MON2: variants seen among roughly 807,000 people sequenced by gnomAD.
MON2 encodes MON2 regulator of endosome-to-Golgi trafficking.
MON2 carries 84 observed loss-of-function variants against 208.6 expected under a neutral mutation model. The ratio of observed to expected loss-of-function variants is 0.40; its 90% CI spans 0.34 to 0.48. The LOEUF is 0.48. Among genes scored for constraint, MON2 ranks in the 20% least tolerant of loss-of-function variants. The pLI is 0.59. For missense variants in MON2, 1,611 were observed against 2,015.4 expected, an observed-to-expected ratio of 0.80 and a Z score of 3.84; for synonymous variants, 660 against 694.0, an observed-to-expected ratio of 0.95 and a Z score of 0.77.
chr12:62,568,246 A>G (rs955759325), intron 29 of MON2, among the ~76,000 whole-genome samples: 4 of 152,250 alleles, frequency 2.6e-5, no homozygotes, highest in African/African-American at 9.6e-5. Context: ...GTCTGAAAAC[A>G]TAACTGTTGG....
chr12:62,515,322 G>A (rs1245644925), intron 8 of MON2, among the ~76,000 whole-genome samples: 2 of 152,136 alleles, frequency 1.3e-5, no homozygotes, highest in Non-Finnish European at 2.9e-5. Context: ...AGGAAATCCT[G>A]TTACTGGAAC....
intron 8 of MON2, among the ~76,000 whole-genome samples, chr12:62,517,851 A>C (rs1167096273): frequency 6.6e-6 from 1 of 152,146 alleles, no homozygotes; most frequent in Non-Finnish European, 1.5e-5. Flanking sequence ...TTATCTAATA[A>C]CCTTTTCAGA....
chr12:62,518,517 T>C (rs1222065244), intron 8 of MON2, among the ~76,000 whole-genome samples: 2 of 152,210 alleles, frequency 1.3e-5, no homozygotes, highest in African/African-American at 4.8e-5. Flanking sequence ...TTCGCTGTTT[T>C]CTTAGTTCTC....
Position 62,566,327 on chromosome 12 carries a change from A to G in MON2, c.4200A>G (p.Glu1400=). 1 of 1,607,550 alleles carries G rather than the reference A, an allele frequency of 6.2e-7. No homozygotes were observed. The highest frequency in any genetic ancestry group is 8.5e-7 in the Non-Finnish European group (1 of 1,178,182). The change falls in exon 29 of 35, where the codon GAA becomes GAG. Residue 1400 remains glutamate (E), a synonymous_variant. Transcript: ENST00000393630. ...GTGAAAATATTACTTTCTAGGCGGAATGGGTAGCCTTGAATTATGTGCCGT... is the reference window on the plus strand; with the variant it reads ...GTGAAAATATTACTTTCTAGGCGGAGTGGGTAGCCTTGAATTATGTGCCGT... The part of the protein sequence containing the change: ...YNQIQLFAPA[E]WVALNYVPFA...
At position 62,595,897 on chromosome 12, in the gene MON2, C is replaced by G. The variant is rs2075518328; in HGVS notation, c.*3148C>G. On this transcript the variant is annotated 3_prime_UTR_variant, in exon 35 of 35. Coordinates refer to ENST00000393630, the MANE Select transcript of MON2 (RefSeq NM_015026.3). ...TTTTTCCATTATATGGTTATCGATT[C>G]AACTCTTGCTATATTCCTTAAATTT... The G allele has an allele frequency of 6.6e-6, 1 of 152,142 alleles. No individual in the cohort carries two copies. The highest frequency in any genetic ancestry group is 1.5e-5 in the Non-Finnish European group (1 of 68,022). 9.4% of individuals were successfully genotyped at this position (152,142 alleles called of 1,614,324 possible).
intron 32 of MON2, among the ~76,000 whole-genome samples, chr12:62,583,007 A>C (rs758782911): frequency 6.6e-6 from 1 of 152,208 alleles, no homozygotes; most frequent in Non-Finnish European, 1.5e-5. Flanking sequence ...TAAAAGAACA[A>C]TTTAAAAAAT....
chr12:62,467,380 T>A, intron 1 of MON2, 62 bp downstream of exon 1: 1 of 1,336,358 alleles, frequency 7.5e-7, no homozygotes, highest in Non-Finnish European at 1.1e-6. Flanking sequence ...TTAGACTCAG[T>A]GCTTCACCCC....
rs775360713 is a variant in MON2 at position 62,561,075 on chromosome 12, C to T, written c.3994C>T (p.Gln1332Ter). 6.2e-7 allele frequency: 1 copy of T among 1,612,796 alleles called. No individual in the cohort carries two copies. Among genetic ancestry groups the T allele is most frequent in the Non-Finnish European group, 8.5e-7 (1 of 1,179,340 alleles). ...SYTEAVLTSLQEAVLTALDVL... is the reference protein window; with the variant it reads ...SYTEAVLTSL ...TACCGAAGCAGTTTTGACAAGTTTA[C>T]AGGAAGCTGTACTTACAGCTTTAGA... Residue 1332 changes from glutamine to a stop codon, truncating the protein, a stop_gained, in exon 26 of 35, where the codon CAG becomes TAG. Transcript: ENST00000393630. LOFTEE classifies it high-confidence loss of function.
intron 28 of MON2, 124 bp downstream of exon 28, chr12:62,566,155 T>C: frequency 7.4e-7 from 1 of 1,355,910 alleles, no homozygotes; most frequent in Non-Finnish European, 1.0e-6. Context: ...TGGCTGAAAA[T>C]TATTTTTTTC....
At chr12:62,511,963 A>G (rs2071428196) in intron 8 of MON2, among the ~76,000 whole-genome samples, 1 of 151,138 alleles carries the variant, frequency 6.6e-6, no homozygotes, top group South Asian at 2.1e-4. Flanking sequence ...ACATGGCGGC[A>G]GACAAGAGAA....
At chr12:62,563,816 C>T (rs2074278803) in intron 26 of MON2, among the ~76,000 whole-genome samples, 1 of 152,052 alleles carries the variant, frequency 6.6e-6, no homozygotes. Context: ...TTAGTTTTCT[C>T]AGGTACCCAC....
chr12:62,550,909 C>CTTTTTTTTTT (rs869160726), intron 23 of MON2, among the ~76,000 whole-genome samples: 39 of 43,818 alleles, frequency 8.9e-4, no homozygotes, highest in African/African-American at 1.5e-3. Context: ...TTCTTTCTTT[C>CTTTTTTTTTT]TTTTTTTTTT....
chr12:62,476,263 A>G (rs1297295334), intron 1 of MON2, among the ~76,000 whole-genome samples: 1 of 152,098 alleles, frequency 6.6e-6, no homozygotes, highest in African/African-American at 2.4e-5. Flanking sequence ...TTTTGTGAGC[A>G]TTTTGTCACC....
At chr12:62,572,101 T>C (rs997257779) in intron 30 of MON2, among the ~76,000 whole-genome samples, 1 of 152,234 alleles carries the variant, frequency 6.6e-6, no homozygotes, top group African/African-American at 2.4e-5. Flanking sequence ...GAACACAGAC[T>C]ACATTTTTTG....
chr12:62,532,150 C>G (rs2072683462), intron 11 of MON2, among the ~76,000 whole-genome samples: 1 of 152,066 alleles, frequency 6.6e-6, no homozygotes, highest in Admixed American at 6.6e-5. Context: ...CTTAATTTTT[C>G]TAATATCTAA....
At chr12:62,507,759 CTGATTA>C (rs746739469) in intron 7 of MON2, among the ~76,000 whole-genome samples, 20 of 152,000 alleles carry the variant, frequency 1.3e-4, no homozygotes, top group Non-Finnish European at 7.4e-5. Context: ...TCTTGTAATA[CTGATTA>C]TGATTATGAT....
At chr12:62,499,128 A>G (rs2070699789) in intron 5 of MON2, 80 bp downstream of exon 5, 1 of 1,405,740 alleles carries the variant, frequency 7.1e-7, no homozygotes. Flanking sequence ...CTTTGCTCAG[A>G]TGATCAACAT....
chr12:62,584,401 C>T (rs879733203), intron 32 of MON2, among the ~76,000 whole-genome samples: 1 of 151,930 alleles, frequency 6.6e-6, no homozygotes, highest in Non-Finnish European at 1.5e-5. Flanking sequence ...AAGTAGTAAA[C>T]CAAGGAAAAA....
intron 21 of MON2, chr12:62,545,816 T>G (rs892587196): frequency 6.6e-6 from 1 of 152,204 alleles, no homozygotes; most frequent in African/African-American, 2.4e-5. Flanking sequence ...AGAAAAGATA[T>G]TATAAAGCTT....
Sources: gnomAD v4.1 joint callset for allele counts (sites outside exome capture counted in the v4.1 genomes callset) on GRCh38, gnomAD v4.1.1 for gene constraint, MANE v1.5 for transcripts, NCBI Gene and HGNC (gene_info 2026-07-23, HGNC 2026-07-21) for gene names.